The following SMARCA4 variants were observed in gnomAD, a reference collection of about 807,000 sequenced individuals.
SMARCA4 encodes SWI/SNF-related matrix-associated actin-dependent regulator of chromatin subfamily A member 4.
In SMARCA4, 31 loss-of-function variants were observed where a neutral mutation model predicts 193.9. That is an observed-to-expected ratio of 0.16 (90% CI 0.12 to 0.22). The LOEUF is 0.22. SMARCA4 is among the 10% of genes least tolerant of loss of function. The pLI is 1.00. For synonymous variants in SMARCA4, 942 were observed against 933.1 expected (o/e 1.01, Z -0.17); for missense variants, 1,148 against 2,296.0 (o/e 0.50, Z 10.22).
intron 8 of SMARCA4, among the ~76,000 whole-genome samples, chr19:10,993,996 G>A (rs1279119876): frequency 6.6e-6 from 1 of 151,918 alleles, no homozygotes; most frequent in African/African-American, 2.4e-5. Flanking sequence ...CAGGCAAAGG[G>A]TGTCCCTTTA....
chr19:11,007,147 C>T (rs2088298852), intron 13 of SMARCA4, among the ~76,000 whole-genome samples: 1 of 151,848 alleles, frequency 6.6e-6, no homozygotes, highest in South Asian at 2.1e-4. Context: ...AAACGGTTTA[C>T]TGGGCTGGGT....
In SMARCA4 at chr19:11,038,924, A is replaced by G. The variant is rs141704615; in HGVS notation, c.4171-2383A>G. On this transcript the variant is annotated intron_variant, in intron 29 of 34. Transcript: ENST00000344626. ...AATAGCGTTATTTAAAATAGCAACA[A>G]CAATAAAAAAAGGTGGTCAGACCTG... Among the ~76,000 whole-genome samples, 998 of 152,340 alleles carry G rather than the reference A, an allele frequency of 6.6e-3. 8 individuals are homozygous for G. Among genetic ancestry groups the G allele is most frequent in the Non-Finnish European group, 8.7e-3 (595 of 68,034 alleles).
intron 20 of SMARCA4, among the ~76,000 whole-genome samples, chr19:11,024,004 C>T (rs1600297020): frequency 6.6e-6 from 1 of 152,192 alleles, no homozygotes; most frequent in African/African-American, 2.4e-5. Flanking sequence ...GCCCAGTTCC[C>T]ACAGCAAGAC....
Position 11,041,054 on chromosome 19 carries a change from G to T in SMARCA4, c.4171-253G>T. 1.9e-6 allele frequency: 1 copy of T among 519,940 alleles called. No individual in the cohort carries two copies. Among genetic ancestry groups the T allele is most frequent in the Non-Finnish European group, 3.4e-6 (1 of 294,438 alleles). 32.2% of individuals were successfully genotyped at this position (519,940 alleles called of 1,614,324 possible). A position where few individuals can be genotyped will look rare whatever the true frequency, so the allele number is the denominator to read the frequency against. Reference sequence around the variant, plus strand: ...AAGATAGTTCTTTTTTTTTGGTCAAGAAATTCAACCATTAGTTTTTTAAAG... The same window carrying T: ...AAGATAGTTCTTTTTTTTTGGTCAATAAATTCAACCATTAGTTTTTTAAAG... On this transcript the variant is annotated intron_variant, in intron 29 of 34. Transcript: ENST00000344626. This position sits in a 1 kb window ranked among gnomAD's most constrained non-coding sequence, Gnocchi z 5.6.
chr19:11,052,913 T>G (rs2076340815), intron 30 of SMARCA4, among the ~76,000 whole-genome samples: 1 of 152,154 alleles, frequency 6.6e-6, no homozygotes, highest in Admixed American at 6.5e-5. Context: ...CATTTCGTCG[T>G]GTAAAAGGCC....
rs1555781697 is a variant in SMARCA4 at position 11,027,708 on chromosome 19, A to ACCT, written c.3216-72_3216-70dup. 5 of 1,545,458 alleles carry ACCT rather than the reference A, an allele frequency of 3.2e-6. No homozygotes were observed. The African/African-American group carries it at 6.8e-5, about 21-fold the overall frequency. ...CGCCTGGCCTGGAGGCGGGCGATGC[A>ACCT]CCTCCTGCCTTACCTGCCTGCAGGG... On this transcript the variant is annotated intron_variant, in intron 23 of 34. Transcript: ENST00000344626.
chr19:10,998,253 G>A (rs1363513408), intron 11 of SMARCA4, among the ~76,000 whole-genome samples: 1 of 152,134 alleles, frequency 6.6e-6, no homozygotes, highest in African/African-American at 2.4e-5. Flanking sequence ...GGTTGGAGTT[G>A]GGTTATGTGT....
At position 10,995,750 on chromosome 19, in the gene SMARCA4, G is replaced by T. The variant is rs528383535; in HGVS notation, c.1594-463G>T. Among the ~76,000 whole-genome samples, 4 of 152,274 alleles carry T rather than the reference G, an allele frequency of 2.6e-5. No individual in the cohort carries two copies. The East Asian group carries it at 7.7e-4, about 29-fold the overall frequency. On this transcript the variant is annotated intron_variant, in intron 9 of 34. Coordinates refer to ENST00000344626, the MANE Select transcript of SMARCA4 (RefSeq NM_003072.5). The stretch of plus-strand genomic sequence containing the variant: ...GCTTACAGGGGCAGGTGGGAGGTGG[G>T]ACCTTTCAGACCATTGGGAGGACTC...
At chr19:11,032,644 G>A (rs1298448807) in intron 25 of SMARCA4, 2 of 155,816 alleles carry the variant, frequency 1.3e-5, no homozygotes, top group African/African-American at 4.9e-5. Flanking sequence ...TCCAGCCTGG[G>A]CGACAGAGCG....
intron 7 of SMARCA4, among the ~76,000 whole-genome samples, chr19:10,990,900 T>TA (rs2053467855): frequency 6.6e-6 from 1 of 152,194 alleles, no homozygotes; most frequent in African/African-American, 2.4e-5. Flanking sequence ...GACGTGTGTG[T>TA]GGTAGAGGGG....
chr19:10,974,212 C>CT (rs1257310066), intron 1 of SMARCA4, among the ~76,000 whole-genome samples: 1 of 152,264 alleles, frequency 6.6e-6, no homozygotes, highest in African/African-American at 2.4e-5. Flanking sequence ...CACCGCAGTG[C>CT]TTTAAGACAA....
chr19:11,024,032 C>A (rs1298651635), intron 20 of SMARCA4, among the ~76,000 whole-genome samples: 1 of 152,192 alleles, frequency 6.6e-6, no homozygotes, highest in Non-Finnish European at 1.5e-5. Context: ...CTCGGGGTCC[C>A]CGGCTGCAGT....
chr19:10,988,589 A>G lies in SMARCA4; in HGVS notation c.1118+665A>G, dbSNP rs577119698. Among the ~76,000 whole-genome samples the G allele has an allele frequency of 1.2e-4, 19 of 152,290 alleles. No individual in the cohort carries two copies. In the South Asian group the frequency reaches 3.9e-3, roughly 32 times the overall value. On this transcript the variant is annotated intron_variant, in intron 6 of 34. Transcript: ENST00000344626. ...AACAAGTTAGACTTGTTCCTGCCCC[A>G]GGACCTTTGCACAGGCTGTGCATGG...
intron 30 of SMARCA4, among the ~76,000 whole-genome samples, chr19:11,054,510 T>C (rs1295439436): frequency 6.6e-6 from 1 of 152,174 alleles, no homozygotes; most frequent in Non-Finnish European, 1.5e-5. Flanking sequence ...GATCTGTGCA[T>C]TGGGCCAGGT....
rs1446956492 is a variant in SMARCA4 at position 11,041,053 on chromosome 19, A to G, written c.4171-254A>G. 1 of 521,024 alleles carries G rather than the reference A, an allele frequency of 1.9e-6. No homozygotes were observed. The allele number at this position is 521,024 out of a possible 1,614,324, so 32.3% of individuals were successfully genotyped here. A position where few individuals can be genotyped will look rare whatever the true frequency, so the allele number is the denominator to read the frequency against. ...GAAGATAGTTCTTTTTTTTTGGTCA[A>G]GAAATTCAACCATTAGTTTTTTAAA... is the stretch of plus-strand genomic sequence containing the variant. On this transcript the variant is annotated intron_variant, in intron 29 of 34. Coordinates refer to ENST00000344626, the MANE Select transcript of SMARCA4 (RefSeq NM_003072.5). The surrounding 1 kb of genome is among the most constrained non-coding windows in gnomAD (Gnocchi z 5.6).
chr19:11,013,518 G>A lies in SMARCA4; in HGVS notation c.2438+406G>A, dbSNP rs900393840. On this transcript the variant is annotated intron_variant, in intron 16 of 34. Coordinates refer to ENST00000344626, the MANE Select transcript of SMARCA4 (RefSeq NM_003072.5). ...GGGTCAGGACTGCTCCACCAGCCTC[G>A]GGGCTGTGCACAGCTCCACCCGTCA... is the stretch of plus-strand genomic sequence containing the variant. Among the ~76,000 whole-genome samples, 99 of 152,182 alleles carry A rather than the reference G, an allele frequency of 6.5e-4. 2 individuals carry two copies. Among genetic ancestry groups the A allele is most frequent in the African/African-American group, 2.4e-3 (98 of 41,510 alleles).
intron 29 of SMARCA4, chr19:11,039,923 A>T (rs951335897): frequency 1.3e-5 from 2 of 155,220 alleles, no homozygotes; most frequent in African/African-American, 4.8e-5. Flanking sequence ...TCTACTAAAA[A>T]TACCAAAATT....
chr19:11,025,662 C>T, intron 22 of SMARCA4, 154 bp downstream of exon 22: 1 of 671,762 alleles, frequency 1.5e-6, no homozygotes, highest in South Asian at 1.5e-5. Flanking sequence ...TTCGCTTCAC[C>T]AGTGCTTACG....
rs562899989 is a variant in SMARCA4 at position 11,061,972 on chromosome 19, A to C, written c.*156A>C. The C allele has an allele frequency of 1.3e-6, 1 of 743,624 alleles. No individual in the cohort carries two copies. The highest frequency in any genetic ancestry group is 2.0e-5 in the Admixed American group (1 of 49,374). The allele number at this position is 743,624 out of a possible 1,614,324, so 46.1% of individuals were successfully genotyped here. A position where few individuals can be genotyped will look rare whatever the true frequency, so the allele number is the denominator to read the frequency against. On this transcript the variant is annotated 3_prime_UTR_variant, in exon 35 of 35. Coordinates refer to ENST00000344626, the MANE Select transcript of SMARCA4 (RefSeq NM_003072.5). ...CATATTTATACAGCAGAGAAGCTGTAGGACTGTTTGTGACTGGCCCTGTCC... is the reference window on the plus strand; with the variant it reads ...CATATTTATACAGCAGAGAAGCTGTCGGACTGTTTGTGACTGGCCCTGTCC...
Sources: allele counts gnomAD v4.1 joint callset (sites outside exome capture counted in the v4.1 genomes callset), GRCh38; gene constraint gnomAD v4.1.1; non-coding constraint Gnocchi (gnomAD v3.1); transcripts MANE v1.5; gene names NCBI Gene and HGNC (gene_info 2026-07-23, HGNC 2026-07-21).